NELL1: variants seen among roughly 807,000 people sequenced by gnomAD.
NELL1 encodes the protein neural EGFL like 1.
NELL1 carries 76 observed loss-of-function variants against 107.4 expected under a neutral mutation model. That is an observed-to-expected ratio of 0.71 (90% CI 0.59 to 0.86). The LOEUF is 0.86. Among genes scored for constraint, NELL1 ranks in the 40% least tolerant of loss-of-function variants. NELL1 has a pLI of 0.00. For missense variants in NELL1, 1,024 were observed against 1,005.5 expected (o/e 1.02, Z -0.25); for synonymous variants, 353 against 341.2 (o/e 1.03, Z -0.38).
chr11:20,981,366 G>A (rs778770323), intron 12 of NELL1, among the ~76,000 whole-genome samples: 1 of 152,124 alleles, frequency 6.6e-6, no homozygotes, highest in Non-Finnish European at 1.5e-5. Context: ...CCCATCAAAG[G>A]TATGTGGGTA....
chr11:21,372,387 C>A (rs185774779), intron 15 of NELL1, among the ~76,000 whole-genome samples: 1 of 151,862 alleles, frequency 6.6e-6, no homozygotes, highest in Non-Finnish European at 1.5e-5. Flanking sequence ...ATAATGATGC[C>A]AATAATCATG....
chr11:20,817,378 A>T (rs1857645802), intron 3 of NELL1, among the ~76,000 whole-genome samples: 1 of 152,048 alleles, frequency 6.6e-6, no homozygotes, highest in Non-Finnish European at 1.5e-5. Context: ...AGTTGTGTGT[A>T]TCCAGGAATT....
chr11:21,510,805 G>A (rs1378277478), intron 15 of NELL1, among the ~76,000 whole-genome samples: 1 of 152,014 alleles, frequency 6.6e-6, no homozygotes, highest in East Asian at 1.9e-4. Flanking sequence ...CTTCCTTAGT[G>A]GTCACTCATA....
At chr11:21,370,668 A>T (rs187155405) in intron 14 of NELL1, among the ~76,000 whole-genome samples, 185 bp from the exon 15 acceptor site, 2 of 152,134 alleles carry the variant, frequency 1.3e-5, no homozygotes, top group Non-Finnish European at 2.9e-5. Context: ...AGTTGATTTC[A>T]TATAAACCAG....
At chr11:20,767,179 G>T (rs142510790) in intron 2 of NELL1, among the ~76,000 whole-genome samples, 1 of 152,150 alleles carries the variant, frequency 6.6e-6, no homozygotes, top group East Asian at 1.9e-4. Context: ...GCGGACCTTC[G>T]CGGTGAGTGT....
intron 14 of NELL1, among the ~76,000 whole-genome samples, chr11:21,308,026 A>G (rs1849645432): frequency 6.6e-6 from 1 of 152,042 alleles, no homozygotes; most frequent in African/African-American, 2.4e-5. Flanking sequence ...ACATACAGGA[A>G]AAAGCCTGAC....
intron 2 of NELL1, among the ~76,000 whole-genome samples, chr11:20,720,232 C>G (rs1855349232): frequency 7.4e-6 from 1 of 135,386 alleles, no homozygotes; most frequent in Admixed American, 8.1e-5. Flanking sequence ...GAGATGGAGT[C>G]TTGCTCTGTC....
intron 2 of NELL1, among the ~76,000 whole-genome samples, chr11:20,754,072 G>A (rs1046509190): frequency 2.1e-4 from 32 of 152,138 alleles, no homozygotes; most frequent in Non-Finnish European, 4.4e-4. Flanking sequence ...GTTGCAGGGT[G>A]GAGTGAACAC....
chr11:20,712,488 T>G (rs1311409070), intron 2 of NELL1, among the ~76,000 whole-genome samples: 1 of 152,170 alleles, frequency 6.6e-6, no homozygotes, highest in East Asian at 1.9e-4. Context: ...CAATTCAGAT[T>G]TCTTCTTGGT....
intron 3 of NELL1, among the ~76,000 whole-genome samples, chr11:20,817,706 C>T (rs574883590): frequency 6.6e-5 from 10 of 151,414 alleles, no homozygotes; most frequent in Admixed American, 1.3e-4. Flanking sequence ...TGTCGCTTTT[C>T]TATTCCTCTA....
At chr11:20,886,631 T>G (rs916304163) in intron 5 of NELL1, among the ~76,000 whole-genome samples, 1 of 152,116 alleles carries the variant, frequency 6.6e-6, no homozygotes, top group Admixed American at 6.6e-5. Flanking sequence ...ATGTTCTCAC[T>G]CACAGGTGGG....
intron 4 of NELL1, among the ~76,000 whole-genome samples, chr11:20,880,166 C>G (rs977312138): frequency 6.6e-6 from 1 of 152,116 alleles, no homozygotes; most frequent in African/African-American, 2.4e-5. Flanking sequence ...AATATCAAAC[C>G]CTTAAATTCC....
At chr11:21,046,653 C>T (rs1406385643) in intron 12 of NELL1, among the ~76,000 whole-genome samples, 1 of 151,700 alleles carries the variant, frequency 6.6e-6, no homozygotes, top group Admixed American at 6.6e-5. Flanking sequence ...AGGCCAAATG[C>T]AGCTTTGCCC....
chr11:21,058,945 C>T (rs1425615632), intron 12 of NELL1, among the ~76,000 whole-genome samples: 1 of 152,062 alleles, frequency 6.6e-6, no homozygotes, highest in East Asian at 1.9e-4. Flanking sequence ...GATTTCTGTG[C>T]AAGTGGAAAA....
At chr11:21,229,847 T>TGG (rs2133884341) in intron 14 of NELL1, among the ~76,000 whole-genome samples, 1 of 152,284 alleles carries the variant, frequency 6.6e-6, no homozygotes, top group South Asian at 2.1e-4. Context: ...CTTACAGTTT[T>TGG]AGCCTTGCTC....
At chr11:21,464,862 A>T (rs1246835686) in intron 15 of NELL1, among the ~76,000 whole-genome samples, 1 of 152,212 alleles carries the variant, frequency 6.6e-6, no homozygotes, top group Non-Finnish European at 1.5e-5. Flanking sequence ...TTAATAATTT[A>T]TATGAAGAAA....
At chr11:21,315,399 G>C (rs948809448) in intron 14 of NELL1, among the ~76,000 whole-genome samples, 4 of 152,120 alleles carry the variant, frequency 2.6e-5, no homozygotes, top group Non-Finnish European at 5.9e-5. Flanking sequence ...ATAGTATAGA[G>C]ACAGTGGCCA....
chr11:21,337,807 T>TCTTG (rs1253497681), intron 14 of NELL1, among the ~76,000 whole-genome samples: 4 of 71,716 alleles, frequency 5.6e-5, no homozygotes, highest in African/African-American at 1.0e-4. Context: ...CTTCTTTCTT[T>TCTTG]CTTGCTTTCC....
At chr11:20,814,957 A>T (rs1027418362) in intron 3 of NELL1, among the ~76,000 whole-genome samples, 1 of 152,052 alleles carries the variant, frequency 6.6e-6, no homozygotes, top group African/African-American at 2.4e-5. Context: ...TTTCTCTACA[A>T]CCTTGCCAGC....
Sources: allele counts gnomAD v4.1 joint callset (sites outside exome capture counted in the v4.1 genomes callset), GRCh38; gene constraint gnomAD v4.1.1; transcripts MANE v1.5; gene names NCBI Gene and HGNC (gene_info 2026-07-23, HGNC 2026-07-21).